EHBP1: variants seen among roughly 807,000 people sequenced by gnomAD.
EHBP1 encodes the protein EH domain-binding protein 1.
EHBP1 carries 55 observed loss-of-function variants against 144.0 expected under a neutral mutation model. The observed-to-expected ratio is 0.38, with a 90% CI of 0.31 to 0.48. The LOEUF (loss-of-function observed/expected upper bound fraction) is 0.48, where lower values mean the gene tolerates loss of function less well. EHBP1 is among the 20% of genes least tolerant of loss of function. The pLI is 0.98. For synonymous variants in EHBP1, 469 were observed against 472.7 expected, an observed-to-expected ratio of 0.99 and a Z score of 0.10; for missense variants, 1,200 against 1,364.2, an observed-to-expected ratio of 0.88 and a Z score of 1.90.
At chr2:62,808,643 A>G (rs1374971949) in intron 5 of EHBP1, among the ~76,000 whole-genome samples, 1 of 152,054 alleles carries the variant, frequency 6.6e-6, no homozygotes, top group Non-Finnish European at 1.5e-5. Context: ...TGTCTCTTCA[A>G]ACTGTGGGAT....
chr2:62,728,829 ACC>A (rs1558561165), intron 2 of EHBP1, among the ~76,000 whole-genome samples: 6 of 151,780 alleles, frequency 4.0e-5, no homozygotes, highest in Admixed American at 3.9e-4. Flanking sequence ...ACTTTGCCTA[ACC>A]CAAAGTCACA....
chr2:63,042,981 G>A (rs1050285418), intron 21 of EHBP1, among the ~76,000 whole-genome samples: 2 of 151,966 alleles, frequency 1.3e-5, no homozygotes, highest in Non-Finnish European at 2.9e-5. Context: ...TAATCAGAAT[G>A]ATTTCTTGAG....
At chr2:62,797,322 C>T (rs1242527600) in intron 5 of EHBP1, among the ~76,000 whole-genome samples, 3 of 152,160 alleles carry the variant, frequency 2.0e-5, no homozygotes, top group African/African-American at 7.2e-5. Flanking sequence ...CCCAGCCCCA[C>T]GGGCACCAGT....
At chr2:62,752,630 C>G (rs1421524791) in intron 3 of EHBP1, among the ~76,000 whole-genome samples, 1 of 152,102 alleles carries the variant, frequency 6.6e-6, no homozygotes, top group East Asian at 1.9e-4. Flanking sequence ...CTTTGTAGGT[C>G]TCTAAGGACT....
chr2:62,958,769 A>G (rs1053919445), intron 14 of EHBP1, among the ~76,000 whole-genome samples: 2 of 152,234 alleles, frequency 1.3e-5, no homozygotes, highest in Non-Finnish European at 2.9e-5. Context: ...CTAAGAATAA[A>G]GCTAACAAGA....
chr2:62,761,703 T>G (rs1002789762), intron 3 of EHBP1, among the ~76,000 whole-genome samples: 30 of 152,192 alleles, frequency 2.0e-4, no homozygotes, highest in Non-Finnish European at 2.2e-4. Flanking sequence ...GAAGGATCAA[T>G]CTGTCTTATT....
chr2:63,043,308 A>T (rs918249691), intron 21 of EHBP1, among the ~76,000 whole-genome samples: 5 of 152,214 alleles, frequency 3.3e-5, no homozygotes, highest in South Asian at 2.1e-4. Context: ...ATTATTTTTT[A>T]AATTATTATA....
In EHBP1 at chr2:62,826,072, TC is replaced by T. The variant is rs2046323946; in HGVS notation, c.313-14del. ...AACTCAAAATTACATACTTTTTTTT[TC>T]TTTAATCTTCCAGGAATCCCCTTCT... On this transcript the variant is annotated splice_polypyrimidine_tract_variant and intron_variant, in intron 5 of 22. Transcript: ENST00000431489. The T allele has an allele frequency of 7.0e-7, 1 of 1,438,032 alleles. No homozygotes were observed. Among genetic ancestry groups the T allele is most frequent in the Admixed American group, 2.7e-5 (1 of 37,628 alleles). The allele number at this position is 1,438,032 out of a possible 1,614,324, so 89.1% of individuals were successfully genotyped here.
At chr2:62,839,953 A>G (rs1244388381) in intron 7 of EHBP1, among the ~76,000 whole-genome samples, 1 of 152,190 alleles carries the variant, frequency 6.6e-6, no homozygotes, top group African/African-American at 2.4e-5. Flanking sequence ...CCATCAAGGT[A>G]CCAATGACTT....
intron 2 of EHBP1, among the ~76,000 whole-genome samples, chr2:62,728,351 A>C (rs1035921169): frequency 2.6e-5 from 4 of 152,208 alleles, no homozygotes; most frequent in Admixed American, 6.5e-5. Flanking sequence ...ATCATTTCAC[A>C]TTCCCACCAG....
chr2:62,815,044 G>GT (rs1327658405), intron 5 of EHBP1, among the ~76,000 whole-genome samples: 1 of 152,148 alleles, frequency 6.6e-6, no homozygotes, highest in East Asian at 1.9e-4. Context: ...AACAATAATA[G>GT]TAATAACTGG....
chr2:63,033,339 T>A (rs983830274), intron 19 of EHBP1, among the ~76,000 whole-genome samples: 3 of 152,210 alleles, frequency 2.0e-5, no homozygotes, highest in Non-Finnish European at 4.4e-5. Context: ...TTCTGTCCTT[T>A]AAGGGCTATA....
At chr2:62,778,009 G>A (rs1338408391) in intron 5 of EHBP1, among the ~76,000 whole-genome samples, 2 of 152,084 alleles carry the variant, frequency 1.3e-5, no homozygotes. Context: ...GTAATAATAG[G>A]CATAAGATTA....
At chr2:62,831,994 C>G (rs2046850297) in intron 7 of EHBP1, among the ~76,000 whole-genome samples, 1 of 152,134 alleles carries the variant, frequency 6.6e-6, no homozygotes, top group South Asian at 2.1e-4. Context: ...ATGTGACTTC[C>G]TTGACTCTGA....
chr2:62,767,599 T>A (rs2041292548), intron 4 of EHBP1, among the ~76,000 whole-genome samples: 1 of 151,016 alleles, frequency 6.6e-6, no homozygotes, highest in South Asian at 2.1e-4. Flanking sequence ...CTGTGGGAGG[T>A]TGAGGCAAGG....
chr2:62,949,002 A>G lies in EHBP1; in HGVS notation c.2156A>G (p.Lys719Arg), dbSNP rs55873160. The change falls in exon 13 of 23, where the codon AAA becomes AGA. Residue 719 changes from lysine (K) to arginine (R), a missense_variant. Around this residue, in one of 6 missense-constraint regions of EHBP1, gnomAD observed 543 missense variants for 513.1 expected, o/e 1.06. Coordinates refer to ENST00000431489, the MANE Select transcript of EHBP1 (RefSeq NM_001142616.3). ...AGATCAGATCCAGAATCTCCTATCA[A>G]AAAAACAAGTTTATCTCCTACTTCT... ...ECRSDPESPI[K>R]KTSLSPTSKL... 6.2e-7 allele frequency: 1 copy of G among 1,613,924 alleles called. No individual in the cohort carries two copies. Among genetic ancestry groups the G allele is most frequent in the Non-Finnish European group, 8.5e-7 (1 of 1,179,964 alleles).
chr2:62,701,631 A>G (rs1411668423), upstream of EHBP1, among the ~76,000 whole-genome samples: 2 of 152,218 alleles, frequency 1.3e-5, no homozygotes, highest in Non-Finnish European at 2.9e-5. Context: ...GGGGTGGGGT[A>G]TAAGAGGAGA....
At chr2:63,033,499 T>C (rs2061341709) in intron 19 of EHBP1, among the ~76,000 whole-genome samples, 1 of 152,194 alleles carries the variant, frequency 6.6e-6, no homozygotes, top group South Asian at 2.1e-4. Context: ...TGAATTCGTC[T>C]TCTATTCAGC....
intron 15 of EHBP1, chr2:62,987,926 T>A: frequency 6.8e-7 from 1 of 1,481,402 alleles, no homozygotes; most frequent in Non-Finnish European, 9.3e-7. Context: ...TACATGTTCC[T>A]ACAGATGAAA....
Sources: allele counts gnomAD v4.1 joint callset (sites outside exome capture counted in the v4.1 genomes callset), GRCh38; gene constraint gnomAD v4.1.1; regional missense constraint gnomAD v4.1.1; transcripts MANE v1.5; gene names NCBI Gene and HGNC (gene_info 2026-07-23, HGNC 2026-07-21).